Variants in IL1RL2 observed in about 807,000 individuals in gnomAD.
IL1RL2 encodes interleukin 1 receptor like 2.
In IL1RL2, 68 loss-of-function variants were observed where a neutral mutation model predicts 66.8. The ratio of observed to expected loss-of-function variants is 1.02; its 90% CI spans 0.84 to 1.25. The LOEUF (loss-of-function observed/expected upper bound fraction) is 1.25, where lower values mean the gene tolerates loss of function less well. Ranked by LOEUF, IL1RL2 falls within the 50% of genes most tolerant of loss-of-function variation. The pLI is 0.00. For missense variants in IL1RL2, 729 were observed against 709.3 expected, an observed-to-expected ratio of 1.03 and a Z score of -0.32; for synonymous variants, 305 against 264.6, an observed-to-expected ratio of 1.15 and a Z score of -1.48.
intron 5 of IL1RL2, among the ~76,000 whole-genome samples, chr2:102,206,694 G>A (rs1269156624): frequency 6.6e-6 from 1 of 152,182 alleles, no homozygotes; most frequent in African/African-American, 2.4e-5. Flanking sequence ...CCAGCACAGC[G>A]CTGGGTCTTG....
downstream of IL1RL2, among the ~76,000 whole-genome samples, chr2:102,240,361 C>CTTTTTTT (rs551743835): frequency 2.5e-5 from 2 of 79,772 alleles, no homozygotes; most frequent in African/African-American, 4.8e-5. Context: ...TCTTCTCCTC[C>CTTTTTTT]TTTTTTTTTT....
intron 5 of IL1RL2, among the ~76,000 whole-genome samples, chr2:102,208,876 G>GT (rs528947247): frequency 1.2e-4 from 19 of 152,302 alleles, no homozygotes; most frequent in South Asian, 6.2e-4. Context: ...ATTGTACAAG[G>GT]TTTTTTTGAT....
intron 9 of IL1RL2, among the ~76,000 whole-genome samples, chr2:102,228,314 C>T (rs374666151): frequency 9.2e-5 from 14 of 152,058 alleles, no homozygotes; most frequent in African/African-American, 3.4e-4. Context: ...TCAGGAAATA[C>T]CGATTAATGG....
chr2:102,193,209 C>G (rs938137912), intron 4 of IL1RL2, among the ~76,000 whole-genome samples: 1 of 152,154 alleles, frequency 6.6e-6, no homozygotes, highest in Admixed American at 6.5e-5. Flanking sequence ...CCCTCTTTTA[C>G]AAGAAATGTG....
intron 5 of IL1RL2, 37 bp downstream of exon 5, chr2:102,201,752 T>C: frequency 6.3e-7 from 1 of 1,593,656 alleles, no homozygotes; most frequent in Non-Finnish European, 8.6e-7. Flanking sequence ...CCTTGTATTC[T>C]CTTGGCTTTG....
intron 9 of IL1RL2, among the ~76,000 whole-genome samples, chr2:102,231,945 C>T (rs974851951): frequency 2.6e-5 from 4 of 152,098 alleles, no homozygotes; most frequent in Non-Finnish European, 5.9e-5. Flanking sequence ...GACAGTGCTT[C>T]GTCATACAGG....
Position 102,201,689 on chromosome 2 carries a change from T to C in IL1RL2, c.623T>C (p.Val208Ala). ...ILTHSGKQYE[V>A]LNGITVSITE... Reference sequence around the variant, plus strand: ...ACACACTCAGGGAAGCAGTACGAGGTTTTAAATGGCATCACTGTGAGCATT... The same window carrying C: ...ACACACTCAGGGAAGCAGTACGAGGCTTTAAATGGCATCACTGTGAGCATT... Residue 208 changes from valine (V) to alanine (A), a missense_variant, in exon 5 of 12, where the codon GTT becomes GCT. Physicochemically the swap from Val to Ala is moderately conservative, Grantham distance 64 (BLOSUM62 0). Transcript: ENST00000264257. 1.9e-6 allele frequency: 3 copies of C among 1,613,590 alleles called. No homozygotes were observed. The highest frequency in any genetic ancestry group is 2.5e-6 in the Non-Finnish European group (3 of 1,179,866).
chr2:102,235,210 G>C lies in IL1RL2; in HGVS notation c.1611G>C (p.Pro537=), dbSNP rs141789680. Residue 537 remains proline (P), a synonymous_variant, in exon 11 of 12, where the codon CCG becomes CCC. Transcript: ENST00000264257. The part of the protein sequence containing the change: ...KFWKTVRYHM[P]PRRCRPFPPV... ...GGAAGACAGTGAGATACCACATGCC[G>C]CCCAGAAGGTGTCGGCCGTTTCCTC... The C allele has an allele frequency of 1.9e-6, 3 of 1,614,052 alleles. No individual in the cohort carries two copies. Among genetic ancestry groups the C allele is most frequent in the African/African-American group, 2.7e-5 (2 of 74,946 alleles).
chr2:102,222,252 C>T (rs931869036), intron 8 of IL1RL2, among the ~76,000 whole-genome samples: 1 of 152,104 alleles, frequency 6.6e-6, no homozygotes, highest in East Asian at 1.9e-4. Flanking sequence ...CATTGAATAA[C>T]TAGGTCACAA....
intron 5 of IL1RL2, among the ~76,000 whole-genome samples, chr2:102,205,367 G>T (rs1233814244): frequency 6.6e-6 from 1 of 152,124 alleles, no homozygotes; most frequent in Non-Finnish European, 1.5e-5. Flanking sequence ...GCCTTTGGGT[G>T]ATTACTCATT....
At chr2:102,198,031 A>G (rs1244366595) in intron 4 of IL1RL2, among the ~76,000 whole-genome samples, 2 of 152,214 alleles carry the variant, frequency 1.3e-5, no homozygotes, top group Non-Finnish European at 2.9e-5. Context: ...TTCTGCATAA[A>G]ATATAGAATG....
intron 5 of IL1RL2, among the ~76,000 whole-genome samples, chr2:102,203,735 G>C (rs968989915): frequency 1.3e-5 from 2 of 151,786 alleles, no homozygotes; most frequent in Non-Finnish European, 2.9e-5. Flanking sequence ...ATAATCTTTT[G>C]GATTTCTGCA....
intron 4 of IL1RL2, among the ~76,000 whole-genome samples, chr2:102,199,589 G>A (rs1267123418): frequency 6.6e-6 from 1 of 152,182 alleles, no homozygotes; most frequent in Non-Finnish European, 1.5e-5. Context: ...TTAAATCCAA[G>A]CTCATTGAGA....
chr2:102,239,470 G>C lies in IL1RL2; in HGVS notation c.*229G>C. 2.0e-6 allele frequency: 1 copy of C among 489,216 alleles called. No individual in the cohort carries two copies. The highest frequency in any genetic ancestry group is 3.8e-6 in the Non-Finnish European group (1 of 263,342). The allele number at this position is 489,216 out of a possible 1,614,324, so 30.3% of individuals were successfully genotyped here. On this transcript the variant is annotated 3_prime_UTR_variant, in exon 12 of 12. Transcript: ENST00000264257. ...GTGGTCATGGAGGGTGAGAGCTGGG[G>C]GTTATCCCCATGGTCATGGAGGGTG...
chr2:102,238,128 CT>C (rs1357047634), intron 11 of IL1RL2, among the ~76,000 whole-genome samples: 1 of 152,162 alleles, frequency 6.6e-6, no homozygotes, highest in African/African-American at 2.4e-5. Flanking sequence ...AGAGACCCCC[CT>C]GGGAATCCCC....
intron 11 of IL1RL2, among the ~76,000 whole-genome samples, chr2:102,238,134 A>T (rs1675032865): frequency 6.6e-6 from 1 of 152,162 alleles, no homozygotes. Flanking sequence ...CCCCCTGGGA[A>T]TCCCCAGGGA....
chr2:102,226,608 G>A (rs950867136), intron 9 of IL1RL2, among the ~76,000 whole-genome samples: 2 of 151,908 alleles, frequency 1.3e-5, no homozygotes, highest in African/African-American at 4.8e-5. Context: ...CTATTTCTCA[G>A]CTATAGAAAG....
Position 102,239,342 on chromosome 2 carries a change from G to A in IL1RL2, c.*101G>A. 1 of 1,136,658 alleles carries A rather than the reference G, an allele frequency of 8.8e-7. No individual in the cohort carries two copies. The highest frequency in any genetic ancestry group is 1.3e-6 in the Non-Finnish European group (1 of 750,564). The allele number at this position is 1,136,658 out of a possible 1,614,324, so 70.4% of individuals were successfully genotyped here. A position where few individuals can be genotyped will look rare whatever the true frequency, so the allele number is the denominator to read the frequency against. On this transcript the variant is annotated 3_prime_UTR_variant, in exon 12 of 12. Coordinates refer to ENST00000264257, the MANE Select transcript of IL1RL2 (RefSeq NM_003854.4). ...CTGCTGCAGGATGAGGCTAGGGTTA[G>A]CATTCTAGACACCCAGTTGAGCTCA...
intron 2 of IL1RL2, 95 bp downstream of exon 2, chr2:102,188,020 C>A: frequency 7.9e-7 from 1 of 1,263,214 alleles, no homozygotes; most frequent in East Asian, 2.3e-5. Context: ...TCAGCCCGAG[C>A]GCGGCTCCTT....
Sources: gnomAD v4.1 joint callset for allele counts (sites outside exome capture counted in the v4.1 genomes callset) on GRCh38, gnomAD v4.1.1 for gene constraint, MANE v1.5 for transcripts, NCBI Gene and HGNC (gene_info 2026-07-23, HGNC 2026-07-21) for gene names.